EIF4G3: variants seen among roughly 807,000 people sequenced by gnomAD.
EIF4G3 encodes the protein eukaryotic translation initiation factor 4 gamma 3.
A neutral mutation model predicts 186.4 loss-of-function variants in EIF4G3; 34 were observed. The observed-to-expected ratio is 0.18, with a 90% CI of 0.14 to 0.24. The LOEUF is 0.24. Ranked by LOEUF, EIF4G3 falls within the 10% of genes least tolerant of loss-of-function variation. The pLI is 1.00. For synonymous variants in EIF4G3, 673 were observed against 679.5 expected, an observed-to-expected ratio of 0.99 and a Z score of 0.15; for missense variants, 1,536 against 1,948.5, an observed-to-expected ratio of 0.79 and a Z score of 3.99.
intron 20 of EIF4G3, among the ~76,000 whole-genome samples, chr1:20,875,004 C>A (rs2080340560): frequency 6.6e-6 from 1 of 152,158 alleles, no homozygotes; most frequent in East Asian, 1.9e-4. Context: ...GAGACTAGGT[C>A]TCACTCTGTC....
chr1:20,816,494 G>A (rs1489977523), intron 34 of EIF4G3, among the ~76,000 whole-genome samples: 1 of 88,046 alleles, frequency 1.1e-5, no homozygotes, highest in East Asian at 4.3e-4. Flanking sequence ...GAGGGAGGTG[G>A]GGGGGTCAGC....
At chr1:20,825,251 G>GAA (rs71585786) in intron 32 of EIF4G3, 53 bp from the exon 33 acceptor site, 5,553 of 230,612 alleles carry the variant, frequency 0.024, 47 homozygotes, top group Admixed American at 0.034. Flanking sequence ...AGAAGAAACA[G>GAA]AAAAAAAAAA....
chr1:20,924,437 T>G (rs1465003179), intron 14 of EIF4G3, among the ~76,000 whole-genome samples: 1 of 152,242 alleles, frequency 6.6e-6, no homozygotes, highest in Non-Finnish European at 1.5e-5. Flanking sequence ...CTGATATTAA[T>G]AAGAAGTGAG....
intron 14 of EIF4G3, among the ~76,000 whole-genome samples, chr1:20,924,470 T>C (rs1472555533): frequency 2.0e-5 from 3 of 152,216 alleles, no homozygotes; most frequent in Non-Finnish European, 4.4e-5. Context: ...TTGAGGAATA[T>C]TAGAAATCAT....
intron 3 of EIF4G3, among the ~76,000 whole-genome samples, chr1:21,084,215 C>G (rs2095882807): frequency 6.7e-6 from 1 of 149,802 alleles, no homozygotes; most frequent in Non-Finnish European, 1.5e-5. Flanking sequence ...ATAGAACTAC[C>G]TGAGACTGTG....
chr1:21,009,658 T>TG (rs996264837), intron 4 of EIF4G3, among the ~76,000 whole-genome samples: 6 of 67,582 alleles, frequency 8.9e-5, no homozygotes, highest in African/African-American at 1.7e-4. Context: ...TGGGGGGTGC[T>TG]GGGGGGGTAG....
At chr1:20,840,517 C>T (rs1230442097) in intron 30 of EIF4G3, among the ~76,000 whole-genome samples, 1 of 152,110 alleles carries the variant, frequency 6.6e-6, no homozygotes, top group Non-Finnish European at 1.5e-5. Context: ...AAGCTTTTTT[C>T]CTCAAAGAAC....
At chr1:21,037,399 G>T (rs577537025) in intron 4 of EIF4G3, among the ~76,000 whole-genome samples, 10 of 152,268 alleles carry the variant, frequency 6.6e-5, no homozygotes, top group African/African-American at 2.4e-4. Flanking sequence ...AAGCAGTTTG[G>T]CTGCTTTTAA....
At chr1:20,820,350 A>G (rs866795827) in intron 33 of EIF4G3, among the ~76,000 whole-genome samples, 1 of 152,196 alleles carries the variant, frequency 6.6e-6, no homozygotes, top group Non-Finnish European at 1.5e-5. Context: ...CCTCCTAGGC[A>G]TGCAGCACCT....
chr1:21,128,839 T>C (rs536147951), intron 2 of EIF4G3, among the ~76,000 whole-genome samples: 7 of 152,332 alleles, frequency 4.6e-5, no homozygotes, highest in African/African-American at 1.4e-4. Context: ...CTATTAGATT[T>C]CTGTTTCTGC....
intron 14 of EIF4G3, among the ~76,000 whole-genome samples, chr1:20,939,860 T>G (rs1226039486): frequency 2.8e-5 from 4 of 144,302 alleles, no homozygotes; most frequent in East Asian, 4.0e-4. Context: ...TTTTTTTTTT[T>G]TTTTTTTTTT....
chr1:21,038,142 A>T (rs2093344979), intron 4 of EIF4G3, among the ~76,000 whole-genome samples: 1 of 152,214 alleles, frequency 6.6e-6, no homozygotes, highest in Non-Finnish European at 1.5e-5. Flanking sequence ...CCCTCAGAAG[A>T]CAATAATAGA....
At chr1:20,973,590 G>C (rs1427532308) in intron 10 of EIF4G3, among the ~76,000 whole-genome samples, 1 of 152,116 alleles carries the variant, frequency 6.6e-6, no homozygotes, top group Non-Finnish European at 1.5e-5. Flanking sequence ...GGTACATAAA[G>C]GATTAGCAAA....
intron 2 of EIF4G3, among the ~76,000 whole-genome samples, chr1:21,157,611 C>T (rs1041488408): frequency 1.3e-5 from 2 of 152,046 alleles, no homozygotes; most frequent in African/African-American, 4.8e-5. Flanking sequence ...GCTGGGATTA[C>T]AGGTGTGAGC....
At chr1:20,919,726 T>C (rs1471494490) in intron 14 of EIF4G3, among the ~76,000 whole-genome samples, 1 of 152,186 alleles carries the variant, frequency 6.6e-6, no homozygotes, top group African/African-American at 2.4e-5. Flanking sequence ...ATCTGGCATG[T>C]TTCTCCTCAG....
chr1:21,045,324 C>T (rs1421307317), intron 4 of EIF4G3, among the ~76,000 whole-genome samples: 1 of 152,124 alleles, frequency 6.6e-6, no homozygotes, highest in Non-Finnish European at 1.5e-5. Context: ...TAACAATAAG[C>T]ATCACGATCA....
At chr1:20,970,513 T>C (rs770229506) in intron 11 of EIF4G3, among the ~76,000 whole-genome samples, 2 of 152,130 alleles carry the variant, frequency 1.3e-5, no homozygotes, top group Admixed American at 6.5e-5. Flanking sequence ...CTCAGGAGGC[T>C]GAGGCAGGAG....
intron 18 of EIF4G3, among the ~76,000 whole-genome samples, chr1:20,886,621 ACTT>A (rs1473918982): frequency 1.3e-5 from 2 of 152,208 alleles, no homozygotes; most frequent in African/African-American, 2.4e-5. Context: ...CAAAGCCGTT[ACTT>A]CTAATGAGAA....
intron 3 of EIF4G3, among the ~76,000 whole-genome samples, chr1:21,083,847 A>C (rs563982674): frequency 6.6e-6 from 1 of 152,262 alleles, no homozygotes; most frequent in South Asian, 2.1e-4. Context: ...AGGTTTTATA[A>C]CTCAGGTTTT....
Sources: allele counts gnomAD v4.1 joint callset (sites outside exome capture counted in the v4.1 genomes callset), GRCh38; gene constraint gnomAD v4.1.1; transcripts MANE v1.5; gene names NCBI Gene and HGNC (gene_info 2026-07-23, HGNC 2026-07-21).